Variants in WNK4 observed in about 807,000 individuals in gnomAD.
The protein encoded by WNK4 is WNK lysine deficient protein kinase 4.
In WNK4, 94 loss-of-function variants were observed where a neutral mutation model predicts 116.2. The observed-to-expected ratio is 0.81, with a 90% CI of 0.68 to 0.96. The LOEUF (loss-of-function observed/expected upper bound fraction) is 0.96. Ranked by LOEUF, WNK4 falls within the 40% of genes least tolerant of loss-of-function variation. The pLI, the probability that WNK4 is intolerant of heterozygous loss-of-function variation, is 0.00. For synonymous variants in WNK4, 655 were observed against 672.7 expected (o/e 0.97, Z 0.41); for missense variants, 1,542 against 1,650.6 (o/e 0.93, Z 1.14).
In WNK4 at chr17:42,785,419, C is replaced by A. The variant is rs769207672; in HGVS notation, c.1413C>A (p.Asn471Lys). ...DARRGGRPRD[N>K]QAIEFLFQLG... is the part of the protein sequence containing the mutation. ...GGCGCGGGGGGCGCCCACGGGACAA[C>A]CAGGCCATCGAGTTCCTGTTCCAGC... The change falls in exon 6 of 19, where the codon AAC (asparagine) becomes AAA (lysine). Residue 471 changes from asparagine to lysine, a missense_variant. Physicochemically the swap from Asn to Lys is moderately conservative, Grantham distance 94 (BLOSUM62 0). Transcript: ENST00000246914. 1.0e-5 allele frequency: 16 copies of A among 1,565,332 alleles called. No individual in the cohort carries two copies. The highest frequency in any genetic ancestry group is 1.4e-5 in the Non-Finnish European group (16 of 1,154,640).
chr17:42,792,998 AT>A (rs1248981210), intron 11 of WNK4, among the ~76,000 whole-genome samples: 1 of 152,226 alleles, frequency 6.6e-6, no homozygotes, highest in Admixed American at 6.5e-5. Context: ...GGTTATCTTA[AT>A]TCTACCATAG....
In WNK4 at chr17:42,784,051, T is replaced by G. The variant is rs1396653540; in HGVS notation, c.906T>G (p.Asp302Glu). The G allele has an allele frequency of 6.2e-7, 1 of 1,613,684 alleles. No individual in the cohort carries two copies. The highest frequency in any genetic ancestry group is 1.3e-5 in the African/African-American group (1 of 74,918). The change falls in exon 3 of 19, where the codon GAT becomes GAG. Residue 302 changes from aspartate to glutamate, a missense_variant. Transcript: ENST00000246914. This position sits in a 1 kb window ranked among gnomAD's most constrained non-coding sequence, Gnocchi z 4.4. Reference protein sequence around the residue: ...HSRVPPILHRDLKCDNVFITG... With the variant: ...HSRVPPILHRELKCDNVFITG... ...GGGTTCCTCCCATCCTGCACCGGGA[T>G]CTCAAGTGCGACAATGTCTTTATCA...
At chr17:42,786,663 G>A (rs1038392774) in intron 6 of WNK4, among the ~76,000 whole-genome samples, 11 of 152,186 alleles carry the variant, frequency 7.2e-5, no homozygotes, top group Non-Finnish European at 1.5e-4. Flanking sequence ...AAATTGCTGG[G>A]ATTACAGGTG....
At chr17:42,792,663 G>A (rs963278580) in intron 11 of WNK4, among the ~76,000 whole-genome samples, 6 of 152,206 alleles carry the variant, frequency 3.9e-5, no homozygotes, top group African/African-American at 1.4e-4. Flanking sequence ...CCTCCACTAA[G>A]TTTTGGGCTT....
chr17:42,789,912 G>T (rs2144050157), intron 11 of WNK4, among the ~76,000 whole-genome samples: 1 of 151,516 alleles, frequency 6.6e-6, no homozygotes. Flanking sequence ...AGGCTGAGGT[G>T]GGAGGATCAC....
Position 42,796,146 on chromosome 17 carries a change from TAC to T in WNK4, c.3457_3458del (p.Gln1153AspfsTer8), listed in dbSNP as rs1388067638. ...AGGCACTTGTCAGAGGTGGAAACAC[TAC>T]AGACACTACAGAAAAAAGAAATTGA... On this transcript the variant is annotated frameshift_variant, in exon 17 of 19. Coordinates refer to ENST00000246914, the MANE Select transcript of WNK4 (RefSeq NM_032387.5). LOFTEE classifies it high-confidence loss of function. 3.1e-6 allele frequency: 5 copies of T among 1,613,906 alleles called. No homozygotes were observed. The African/African-American group carries it at 6.7e-5, about 22-fold the overall frequency.
rs2054605632 is a variant in WNK4, at chr17:42,791,501, T to C, written c.2158-2091T>C. Among the ~76,000 whole-genome samples the C allele has an allele frequency of 2.0e-5, 3 of 151,748 alleles. No homozygotes were observed. In the South Asian group the frequency reaches 6.2e-4, roughly 31 times the overall value. On this transcript the variant is annotated intron_variant, in intron 11 of 18. Coordinates refer to ENST00000246914, the MANE Select transcript of WNK4 (RefSeq NM_032387.5). Reference sequence around the variant, plus strand: ...TAAAAAATACAAAATTAGCTGGGCGTGGTGGCGCATGCCTGTAATCCCAGC... The same window carrying C: ...TAAAAAATACAAAATTAGCTGGGCGCGGTGGCGCATGCCTGTAATCCCAGC...
chr17:42,784,061 G>C lies in WNK4; in HGVS notation c.916G>C (p.Asp306His). Residue 306 changes from aspartate (D) to histidine (H), a missense_variant, in exon 3 of 19, where the codon GAC becomes CAC. Transcript: ENST00000246914. This position sits in a 1 kb window ranked among gnomAD's most constrained non-coding sequence, Gnocchi z 4.4. Reference protein sequence around the residue: ...PPILHRDLKCDNVFITGPTGS... With the variant: ...PPILHRDLKCHNVFITGPTGS... ...CATCCTGCACCGGGATCTCAAGTGCGACAATGTCTTTATCACGGGACCTAC... is the reference window on the plus strand; with the variant it reads ...CATCCTGCACCGGGATCTCAAGTGCCACAATGTCTTTATCACGGGACCTAC... 6.2e-7 allele frequency: 1 copy of C among 1,613,712 alleles called. No individual in the cohort carries two copies. Among genetic ancestry groups the C allele is most frequent in the South Asian group, 1.1e-5 (1 of 91,084 alleles).
chr17:42,787,895 C>T lies in WNK4; in HGVS notation c.1859C>T (p.Pro620Leu). ...CTGGCTGAGTCCCATCTCTGCCTGC[C>T]CTCGGTGAGAGGGGGTCGCATGGGG... is the stretch of plus-strand genomic sequence containing the variant. ...SSLAESHLCL[P>L]SAFALSIPRS... The change falls in exon 8 of 19, where the codon CCC (proline) becomes CTC (leucine). Residue 620 changes from proline (P) to leucine (L), a missense_variant. By Grantham distance (98) the Pro-to-Leu change is moderately conservative (BLOSUM62 -3). Coordinates refer to ENST00000246914, the MANE Select transcript of WNK4 (RefSeq NM_032387.5). 6.2e-7 allele frequency: 1 copy of T among 1,609,974 alleles called. No homozygotes were observed. Among genetic ancestry groups the T allele is most frequent in the Non-Finnish European group, 8.5e-7 (1 of 1,180,010 alleles).
rs1040899482 is a variant in WNK4, at chr17:42,796,783, C to T, written c.*95C>T. Reference sequence around the variant, plus strand: ...ATGCTTTCTGATCAACAAAACTGAGCAAGGAAGATCCCAACACTGAAGGGG... The same window carrying T: ...ATGCTTTCTGATCAACAAAACTGAGTAAGGAAGATCCCAACACTGAAGGGG... On this transcript the variant is annotated 3_prime_UTR_variant, in exon 19 of 19. Transcript: ENST00000246914. The T allele has an allele frequency of 9.3e-6, 15 of 1,613,566 alleles. No homozygotes were observed. In the African/African-American group the frequency reaches 1.5e-4, roughly 16 times the overall value.
chr17:42,788,372 C>A lies in WNK4; in HGVS notation c.2005C>A (p.Arg669=), dbSNP rs769815091. Residue 669 remains arginine, a synonymous_variant, in exon 10 of 19, where the codon CGG becomes AGG. Coordinates refer to ENST00000246914, the MANE Select transcript of WNK4 (RefSeq NM_032387.5). ...GAGGAGACCCCCAGGGAGGAATCTC[C>A]GGCGCAGACCCCGATCCCGGCTGCG... ...QMRRPPGRNL[R]RRPRSRLRVT... The A allele has an allele frequency of 9.9e-6, 16 of 1,613,190 alleles. No individual in the cohort carries two copies. The highest frequency in any genetic ancestry group is 1.4e-5 in the Non-Finnish European group (16 of 1,180,024).
Position 42,787,896 on chromosome 17 carries a change from C to A in WNK4, c.1860C>A (p.Pro620=), listed in dbSNP as rs1301079966. ...SSLAESHLCL[P]SAFALSIPRS... is the part of the protein sequence containing the mutation. ...TGGCTGAGTCCCATCTCTGCCTGCC[C>A]TCGGTGAGAGGGGGTCGCATGGGGG... is the stretch of plus-strand genomic sequence containing the variant. The change falls in exon 8 of 19, where the codon CCC becomes CCA. Residue 620 remains proline (P), a synonymous_variant. Transcript: ENST00000246914. 6.2e-7 allele frequency: 1 copy of A among 1,609,936 alleles called. No homozygotes were observed.
chr17:42,784,931 G>GT lies in WNK4; in HGVS notation c.1171-166_1171-165insT, dbSNP rs1452449061. The stretch of plus-strand genomic sequence containing the variant: ...AAGATCACACTGTAAATACTTGGGG[G>GT]GGGGGCGGGGATTAGGATTTGAAAT... On this transcript the variant is annotated intron_variant, in intron 4 of 18. Coordinates refer to ENST00000246914, the MANE Select transcript of WNK4 (RefSeq NM_032387.5). The surrounding 1 kb of genome is among the most constrained non-coding windows in gnomAD (Gnocchi z 4.4). Among the ~76,000 whole-genome samples the GT allele has an allele frequency of 6.8e-6, 1 of 148,098 alleles. No individual in the cohort carries two copies. Among genetic ancestry groups the GT allele is most frequent in the Non-Finnish European group, 1.5e-5 (1 of 67,694 alleles).
At position 42,793,453 on chromosome 17, in the gene WNK4, G is replaced by T; in HGVS notation, c.2158-139G>T. ...TTAAACTCCTGACTTCAGGTGATCC[G>T]CCCGCCTCGGCCTCCCAAAGTGCTA... On this transcript the variant is annotated intron_variant, in intron 11 of 18. Transcript: ENST00000246914. 5.4e-6 allele frequency: 6 copies of T among 1,116,540 alleles called. No individual in the cohort carries two copies. In the South Asian group the frequency reaches 7.9e-5, roughly 15 times the overall value. 69.2% of individuals were successfully genotyped at this position (1,116,540 alleles called of 1,614,324 possible). A position where few individuals can be genotyped will look rare whatever the true frequency, so the allele number is the denominator to read the frequency against.
Position 42,780,632 on chromosome 17 carries a change from T to TCCGTCTGTCAGGCCG in WNK4, c.-64_-50dup. 6.3e-7 allele frequency: 1 copy of TCCGTCTGTCAGGCCG among 1,588,208 alleles called. No individual in the cohort carries two copies. The highest frequency in any genetic ancestry group is 8.5e-7 in the Non-Finnish European group (1 of 1,174,094). On this transcript the variant is annotated 5_prime_UTR_variant, in exon 1 of 19. Transcript: ENST00000246914. ...GCCGGAGCGCAGCGCACCCAGCGAGTCCGTCTGTCAGGCCGCCTCCTCTCC... is the reference window on the plus strand; with the variant it reads ...GCCGGAGCGCAGCGCACCCAGCGAGTCCGTCTGTCAGGCCGCCGTCTGTCAGGCCGCCTCCTCTCC...
At position 42,780,732 on chromosome 17, in the gene WNK4, C is replaced by T. The variant is rs933656010; in HGVS notation, c.34C>T (p.Leu12Phe). ...ATCCCCGGCCACGGAGACCACCGTC[C>T]TCATGTCCCAGACTGAGGCCGACCT... ...LASPATETTV[L>F]MSQTEADLAL... Residue 12 changes from leucine (L) to phenylalanine (F), a missense_variant, in exon 1 of 19, where the codon CTC (leucine) becomes TTC (phenylalanine). Leu to Phe is a conservative substitution (Grantham distance 22, BLOSUM62 0). This residue lies in a region of WNK4 where 243 missense variants were observed against 217.8 expected (regional missense o/e 1.12). Transcript: ENST00000246914. The T allele has an allele frequency of 1.6e-5, 25 of 1,609,010 alleles. No individual in the cohort carries two copies. In the Middle Eastern group the frequency reaches 6.8e-4, roughly 44 times the overall value.
rs200888932 is a variant in WNK4, at chr17:42,796,798, C to T, written c.*110C>T. 6.2e-7 allele frequency: 1 copy of T among 1,611,898 alleles called. No homozygotes were observed. Among genetic ancestry groups the T allele is most frequent in the Admixed American group, 1.7e-5 (1 of 59,958 alleles). On this transcript the variant is annotated 3_prime_UTR_variant, in exon 19 of 19. Transcript: ENST00000246914. ...CAAAACTGAGCAAGGAAGATCCCAA[C>T]ACTGAAGGGGTAGAAGGCCAGGGGG...
In WNK4 at chr17:42,794,659, C is replaced by G; in HGVS notation, c.2341C>G (p.Pro781Ala). 1.2e-6 allele frequency: 2 copies of G among 1,613,926 alleles called. No individual in the cohort carries two copies. The highest frequency in any genetic ancestry group is 1.7e-6 in the Non-Finnish European group (2 of 1,179,966). Residue 781 changes from proline to alanine, a missense_variant, in exon 13 of 19, where the codon CCA (proline) becomes GCA (alanine). Pro to Ala is a conservative substitution (Grantham distance 27). This residue lies in a region of WNK4 where 808 missense variants were observed against 873.6 expected (regional missense o/e 0.92). Coordinates refer to ENST00000246914, the MANE Select transcript of WNK4 (RefSeq NM_032387.5). ...TGCCCTGCCCGTCCCCCTCCCAGAC[C>G]CATCCAATGGTATGTACTGAGTTGT... is the stretch of plus-strand genomic sequence containing the variant. ...LPALPVPLPD[P>A]SNEELQSSTS...
chr17:42,797,039 C>A lies in WNK4; in HGVS notation c.*351C>A, dbSNP rs996367720. 9 of 353,714 alleles carry A rather than the reference C, an allele frequency of 2.5e-5. No homozygotes were observed. Among genetic ancestry groups the A allele is most frequent in the Non-Finnish European group, 4.7e-5 (9 of 192,128 alleles). 21.9% of individuals were successfully genotyped at this position (353,714 alleles called of 1,614,324 possible). A position where few individuals can be genotyped will look rare whatever the true frequency, so the allele number is the denominator to read the frequency against. On this transcript the variant is annotated 3_prime_UTR_variant, in exon 19 of 19. Coordinates refer to ENST00000246914, the MANE Select transcript of WNK4 (RefSeq NM_032387.5). ...GGATATGCTCACACCACATTAGCAG[C>A]AACCAATAAAAATGCTGGAAACAAG...
Sources: allele counts gnomAD v4.1 joint callset (sites outside exome capture counted in the v4.1 genomes callset), GRCh38; gene constraint gnomAD v4.1.1; regional missense constraint gnomAD v4.1.1; non-coding constraint Gnocchi (gnomAD v3.1); transcripts MANE v1.5; gene names NCBI Gene and HGNC (gene_info 2026-07-23, HGNC 2026-07-21).